The following TOPAZ1 variants were observed in gnomAD, a reference collection of about 807,000 sequenced individuals.
TOPAZ1 encodes the protein protein TOPAZ1.
In TOPAZ1, 66 loss-of-function variants were observed where a neutral mutation model predicts 172.2. That is an observed-to-expected ratio of 0.38 (90% CI 0.31 to 0.47). The LOEUF is 0.47. Ranked by LOEUF, TOPAZ1 falls within the 20% of genes least tolerant of loss-of-function variation. TOPAZ1 has a pLI of 0.99. For missense variants in TOPAZ1, 1,822 were observed against 1,972.4 expected (o/e 0.92, Z 1.44); for synonymous variants, 681 against 683.9 (o/e 1.00, Z 0.07).
intron 6 of TOPAZ1, 141 bp from the exon 7 acceptor site, chr3:44,269,075 A>G (rs1452733242): frequency 3.2e-6 from 2 of 618,278 alleles, no homozygotes; most frequent in African/African-American, 1.9e-5. Flanking sequence ...AGGAACACAC[A>G]TGGCAGCACA....
rs1450644215 is a variant in TOPAZ1 at position 44,244,898 on chromosome 3, G to C, written c.2392G>C (p.Val798Leu). The change falls in exon 2 of 20, where the codon GTT becomes CTT. Residue 798 changes from valine (V) to leucine (L), a missense_variant. Around this residue, in one of 2 missense-constraint regions of TOPAZ1, gnomAD observed 1,489 missense variants for 1,490.8 expected, o/e 1.00. Transcript: ENST00000309765. ...AGGCAATATTGTTTCTAATAAAGAA[G>C]TTGCTTCTCTCACAGTTGAAAATAA... The part of the protein sequence containing the change: ...EPGNIVSNKE[V>L]ASLTVENNAF... The C allele has an allele frequency of 1.3e-6, 2 of 1,551,624 alleles. No individual in the cohort carries two copies. The highest frequency in any genetic ancestry group is 3.9e-5 in the Admixed American group (2 of 50,978).
chr3:44,252,982 A>G (rs141795195), intron 2 of TOPAZ1, among the ~76,000 whole-genome samples: 9 of 152,340 alleles, frequency 5.9e-5, no homozygotes, highest in Admixed American at 1.3e-4. Flanking sequence ...TGGCATTTAA[A>G]ATGATCACTA....
At chr3:44,324,036 T>C (rs1258704494) in intron 18 of TOPAZ1, among the ~76,000 whole-genome samples, 2 of 152,176 alleles carry the variant, frequency 1.3e-5, no homozygotes, top group African/African-American at 4.8e-5. Context: ...GTGTCAAATA[T>C]CCTAGCCACT....
intron 19 of TOPAZ1, 95 bp from the exon 20 acceptor site, chr3:44,331,697 A>G (rs1442194991): frequency 1.0e-6 from 1 of 973,178 alleles, no homozygotes; most frequent in Non-Finnish European, 1.5e-6. Context: ...GAAGACTATC[A>G]TAGCTTAGTA....
chr3:44,298,074 A>G (rs985589976), intron 12 of TOPAZ1, among the ~76,000 whole-genome samples: 1 of 152,230 alleles, frequency 6.6e-6, no homozygotes, highest in Non-Finnish European at 1.5e-5. Flanking sequence ...AATTCCTATC[A>G]GAATCCCTCT....
At chr3:44,265,419 T>C (rs1699819472) in intron 5 of TOPAZ1, among the ~76,000 whole-genome samples, 1 of 152,102 alleles carries the variant, frequency 6.6e-6, no homozygotes, top group Non-Finnish European at 1.5e-5. Flanking sequence ...TAGCCAGGCG[T>C]GGTGGCGGGC....
intron 4 of TOPAZ1, among the ~76,000 whole-genome samples, chr3:44,258,338 A>G (rs1391947141): frequency 6.6e-6 from 1 of 152,184 alleles, no homozygotes; most frequent in African/African-American, 2.4e-5. Context: ...AAACCATAGT[A>G]CAATATCACA....
intron 9 of TOPAZ1, 36 bp downstream of exon 9, chr3:44,282,067 A>G: frequency 7.5e-7 from 1 of 1,325,700 alleles, no homozygotes; most frequent in South Asian, 1.4e-5. Flanking sequence ...TGAAGCTATT[A>G]ATGTGTTGTT....
chr3:44,257,968 A>G (rs1005650997), intron 4 of TOPAZ1, among the ~76,000 whole-genome samples: 1 of 151,926 alleles, frequency 6.6e-6, no homozygotes, highest in Non-Finnish European at 1.5e-5. Flanking sequence ...TGGCTAGAGG[A>G]TTATTAATTG....
At chr3:44,325,501 C>A (rs1700590027) in intron 18 of TOPAZ1, among the ~76,000 whole-genome samples, 2 of 152,216 alleles carry the variant, frequency 1.3e-5, no homozygotes, top group Admixed American at 6.5e-5. Flanking sequence ...TACACATTAG[C>A]ATTTATTCTC....
chr3:44,248,548 A>G (rs1699592837), intron 2 of TOPAZ1, among the ~76,000 whole-genome samples: 1 of 152,214 alleles, frequency 6.6e-6, no homozygotes, highest in African/African-American at 2.4e-5. Flanking sequence ...CTTAACAGGG[A>G]AAAATGAAGA....
intron 16 of TOPAZ1, among the ~76,000 whole-genome samples, chr3:44,315,407 C>G (rs1700441132): frequency 6.6e-6 from 1 of 151,812 alleles, no homozygotes; most frequent in South Asian, 2.1e-4. Flanking sequence ...TGCTCTGTTG[C>G]CCAGGCTGGA....
chr3:44,325,365 A>G (rs1700587844), intron 18 of TOPAZ1, among the ~76,000 whole-genome samples: 1 of 152,108 alleles, frequency 6.6e-6, no homozygotes, highest in African/African-American at 2.4e-5. Context: ...ATAATTTCAC[A>G]TATCATGAAA....
chr3:44,253,349 G>A (rs1438995457), intron 2 of TOPAZ1, among the ~76,000 whole-genome samples: 1 of 152,218 alleles, frequency 6.6e-6, no homozygotes, highest in Non-Finnish European at 1.5e-5. Context: ...TATAGCTCTG[G>A]TGTGGAGGAT....
At chr3:44,258,501 C>A (rs994139681) in intron 4 of TOPAZ1, among the ~76,000 whole-genome samples, 6 of 152,132 alleles carry the variant, frequency 3.9e-5, no homozygotes, top group Admixed American at 3.9e-4. Context: ...CATATCTGTT[C>A]TGCATTTCTA....
intron 2 of TOPAZ1, among the ~76,000 whole-genome samples, chr3:44,252,874 T>G (rs182445313): frequency 2.0e-4 from 31 of 152,306 alleles, no homozygotes; most frequent in Admixed American, 1.7e-3. Context: ...ACTAGACATA[T>G]ATAAGCCTTG....
chr3:44,255,988 TAGAG>T (rs1420932976), intron 3 of TOPAZ1, among the ~76,000 whole-genome samples, 159 bp from the exon 4 acceptor site: 1 of 152,042 alleles, frequency 6.6e-6, no homozygotes, highest in Non-Finnish European at 1.5e-5. Context: ...GTTATTTTGA[TAGAG>T]AGGAATTATT....
Position 44,287,560 on chromosome 3 carries a change from A to G in TOPAZ1, c.3588+20A>G, listed in dbSNP as rs1559537983. On this transcript the variant is annotated intron_variant, in intron 10 of 19. Coordinates refer to ENST00000309765, the MANE Select transcript of TOPAZ1 (RefSeq NM_001145030.2). ...ATGCTGGTAAGTAGCCTGAAAATAT[A>G]TGTTATTTTAATATTTTATGTTAAT... 1 of 1,394,974 alleles carries G rather than the reference A, an allele frequency of 7.2e-7. No individual in the cohort carries two copies. The highest frequency in any genetic ancestry group is 9.5e-7 in the Non-Finnish European group (1 of 1,052,856). The allele number at this position is 1,394,974 out of a possible 1,614,324, so 86.4% of individuals were successfully genotyped here. A position where few individuals can be genotyped will look rare whatever the true frequency, so the allele number is the denominator to read the frequency against.
chr3:44,301,341 A>AT (rs1273103633), intron 12 of TOPAZ1, among the ~76,000 whole-genome samples: 1 of 152,232 alleles, frequency 6.6e-6, no homozygotes, highest in African/African-American at 2.4e-5. Context: ...ACAGTGTACT[A>AT]TTTTTGGAAA....
Sources: gnomAD v4.1 joint callset for allele counts (sites outside exome capture counted in the v4.1 genomes callset) on GRCh38, gnomAD v4.1.1 for gene constraint, gnomAD v4.1.1 regional missense constraint, MANE v1.5 for transcripts, NCBI Gene and HGNC (gene_info 2026-07-23, HGNC 2026-07-21) for gene names.